The following TNFRSF9 variants were observed in gnomAD, a reference collection of about 807,000 sequenced individuals.
TNFRSF9 encodes the protein tumor necrosis factor receptor superfamily member 9.
A neutral mutation model predicts 28.8 loss-of-function variants in TNFRSF9; 16 were observed. The observed-to-expected ratio is 0.55, with a 90% CI of 0.38 to 0.84. The LOEUF (loss-of-function observed/expected upper bound fraction) is 0.84, where lower values mean the gene tolerates loss of function less well. TNFRSF9 is among the 40% of genes least tolerant of loss of function. The pLI, the probability that TNFRSF9 is intolerant of heterozygous loss-of-function variation, is 0.00. For missense variants in TNFRSF9, 303 were observed against 315.0 expected (o/e 0.96, Z 0.29); for synonymous variants, 131 against 117.0 (o/e 1.12, Z -0.77).
At chr1:7,923,235 C>A (rs985152377) in intron 7 of TNFRSF9, among the ~76,000 whole-genome samples, 1 of 152,092 alleles carries the variant, frequency 6.6e-6, no homozygotes, top group East Asian at 1.9e-4. Context: ...TCAATTCTAA[C>A]AAAACACCAC....
intron 7 of TNFRSF9, chr1:7,921,958 G>C (rs138062076): frequency 1.3e-5 from 2 of 152,102 alleles, no homozygotes; most frequent in African/African-American, 4.8e-5. Flanking sequence ...TTCGAGATCC[G>C]ATGGTTTCCT....
chr1:7,940,556 C>A (rs984418462), intron 1 of TNFRSF9, among the ~76,000 whole-genome samples: 3 of 152,210 alleles, frequency 2.0e-5, no homozygotes, highest in African/African-American at 7.2e-5. Context: ...GTTCAACTCA[C>A]TAACACATTT....
chr1:7,937,265 G>A (rs1639829707), intron 5 of TNFRSF9, among the ~76,000 whole-genome samples: 2 of 152,164 alleles, frequency 1.3e-5, no homozygotes, highest in African/African-American at 4.8e-5. Flanking sequence ...CCAGACTCAG[G>A]TGATCCTCCT....
chr1:7,939,606 G>A (rs1413069713), intron 2 of TNFRSF9, among the ~76,000 whole-genome samples: 1 of 152,118 alleles, frequency 6.6e-6, no homozygotes, highest in East Asian at 1.9e-4. Context: ...AACATTTATT[G>A]AAGTCTTGCC....
chr1:7,921,183 A>G (rs543056237), intron 7 of TNFRSF9, among the ~76,000 whole-genome samples: 4 of 152,058 alleles, frequency 2.6e-5, no homozygotes, highest in Non-Finnish European at 5.9e-5. Flanking sequence ...TAAAAATACA[A>G]AAATTAGCCG....
intron 7 of TNFRSF9, among the ~76,000 whole-genome samples, chr1:7,924,128 T>C (rs1639601809): frequency 6.6e-6 from 1 of 151,952 alleles, no homozygotes; most frequent in African/African-American, 2.4e-5. Context: ...TTGCTCACGT[T>C]TGTGGTGATA....
intron 3 of TNFRSF9, 78 bp downstream of exon 3, chr1:7,938,643 G>A (rs921750825): frequency 1.6e-5 from 20 of 1,224,288 alleles, no homozygotes; most frequent in Non-Finnish European, 2.3e-5. Context: ...TTTCAAAAGA[G>A]AGCAGTTAGT....
At chr1:7,938,673 A>G (rs1639856792) in intron 3 of TNFRSF9, 48 bp downstream of exon 3, 1 of 1,440,586 alleles carries the variant, frequency 6.9e-7, no homozygotes, top group African/African-American at 1.4e-5. Context: ...AGAAAAGCTT[A>G]TCTTCCCAAC....
chr1:7,926,551 C>T (rs9658022), intron 7 of TNFRSF9, among the ~76,000 whole-genome samples: 2,751 of 152,202 alleles, frequency 0.018, 89 homozygotes, highest in African/African-American at 0.063. Context: ...GAATCCCAGC[C>T]GGCTTTTTGT....
At chr1:7,924,346 G>A (rs1007174140) in intron 7 of TNFRSF9, among the ~76,000 whole-genome samples, 1 of 141,736 alleles carries the variant, frequency 7.1e-6, no homozygotes, top group Non-Finnish European at 1.5e-5. Flanking sequence ...ACCAGTTAAG[G>A]CCGGGTGTTG....
chr1:7,935,403 A>G (rs1639801779), intron 5 of TNFRSF9, among the ~76,000 whole-genome samples: 1 of 152,150 alleles, frequency 6.6e-6, no homozygotes, highest in Non-Finnish European at 1.5e-5. Context: ...CCAGTTTCTT[A>G]ATCGGACTTG....
chr1:7,938,352 C>A, intron 3 of TNFRSF9, 22 bp from the exon 4 acceptor site: 1 of 1,573,486 alleles, frequency 6.4e-7, no homozygotes, highest in Admixed American at 1.9e-5. Context: ...CCCCAGCCCC[C>A]AACATTTTAT....
Position 7,938,277 on chromosome 1 carries a change from A to C in TNFRSF9, c.262T>G (p.Cys88Gly). 6.2e-7 allele frequency: 1 copy of C among 1,609,404 alleles called. No homozygotes were observed. Among genetic ancestry groups the C allele is most frequent in the Non-Finnish European group, 8.5e-7 (1 of 1,178,068 alleles). ...CCCAGGCAGTGAAACCCTGGAGTGC[A>C]GTCACACTCTGCATTGCTGGTGGAG... ...CSSTSNAECD[C>G]TPGFHCLGAG... The change falls in exon 4 of 8, where the codon TGC (cysteine) becomes GGC (glycine). Residue 88 changes from cysteine to glycine, a missense_variant. Physicochemically the swap from Cys to Gly is radical, Grantham distance 159. Coordinates refer to ENST00000377507, the MANE Select transcript of TNFRSF9 (RefSeq NM_001561.6).
chr1:7,933,042 C>T (rs1223956370), intron 7 of TNFRSF9, 120 bp downstream of exon 7: 7 of 1,246,000 alleles, frequency 5.6e-6, no homozygotes, highest in East Asian at 2.6e-5. Context: ...ATTGCCCCTG[C>T]GTGATAGCCA....
intron 2 of TNFRSF9, 53 bp from the exon 3 acceptor site, chr1:7,938,881 C>G (rs1173918480): frequency 2.5e-5 from 32 of 1,264,016 alleles, no homozygotes; most frequent in Admixed American, 3.8e-5. Flanking sequence ...AATCGTCACC[C>G]AAGGCATTCC....
chr1:7,917,955 GATATATAT>G lies in TNFRSF9; in HGVS notation c.*2872_*2879del, dbSNP rs151323868. 1.6e-4 allele frequency: 22 copies of G among 136,470 alleles called. No homozygotes were observed. Among genetic ancestry groups the G allele is most frequent in the African/African-American group, 6.1e-4 (21 of 34,696 alleles). 8.5% of individuals were successfully genotyped at this position (136,470 alleles called of 1,614,324 possible). A position where few individuals can be genotyped will look rare whatever the true frequency, so the allele number is the denominator to read the frequency against. On this transcript the variant is annotated 3_prime_UTR_variant, in exon 8 of 8. Coordinates refer to ENST00000377507, the MANE Select transcript of TNFRSF9 (RefSeq NM_001561.6). ...AAAAAGGGAAAAATAAATTACAAAG[GATATATAT>G]ATATATATATATAGATATAGATAGA...
rs1367701894 is a variant in TNFRSF9 at position 7,929,159 on chromosome 1, T to A, written c.679+4003A>T. Among the ~76,000 whole-genome samples, 4 of 80,398 alleles carry A rather than the reference T, an allele frequency of 5.0e-5. No individual in the cohort carries two copies. In the African/African-American group the frequency reaches 6.3e-4, roughly 13 times the overall value. 52.7% of individuals were successfully genotyped at this position (80,398 alleles called of 152,430 possible). ...CAGTTTTTCTTTTTTTTCTTTTTCC[T>A]TTTTTTTTTTTTTTTTTTTTGAGAC... On this transcript the variant is annotated intron_variant, in intron 7 of 7. Coordinates refer to ENST00000377507, the MANE Select transcript of TNFRSF9 (RefSeq NM_001561.6).
chr1:7,935,288 T>C (rs1639800620), intron 5 of TNFRSF9, 145 bp from the exon 6 acceptor site: 4 of 906,114 alleles, frequency 4.4e-6, no homozygotes, highest in Admixed American at 2.9e-5. Context: ...AAAGATATTT[T>C]GAAAAACTTC....
intron 7 of TNFRSF9, among the ~76,000 whole-genome samples, chr1:7,921,333 T>C (rs1639555188): frequency 9.1e-6 from 1 of 110,182 alleles, no homozygotes; most frequent in African/African-American, 3.6e-5. Context: ...CGAAACTCTG[T>C]CTCAAAAAAC....
Sources: allele counts gnomAD v4.1 joint callset (sites outside exome capture counted in the v4.1 genomes callset), GRCh38; gene constraint gnomAD v4.1.1; transcripts MANE v1.5; gene names NCBI Gene and HGNC (gene_info 2026-07-23, HGNC 2026-07-21).